TLK1: variants seen among roughly 807,000 people sequenced by gnomAD.
The protein encoded by TLK1 is tousled like kinase 1.
In TLK1, 24 loss-of-function variants were observed where a neutral mutation model predicts 105.3. The observed-to-expected ratio is 0.23, with a 90% CI of 0.17 to 0.32. TLK1 has a LOEUF of 0.32. TLK1 is among the 10% of genes least tolerant of loss of function. The pLI is 1.00. For missense variants in TLK1, 558 were observed against 910.5 expected, an observed-to-expected ratio of 0.61 and a Z score of 4.98; for synonymous variants, 321 against 310.4, an observed-to-expected ratio of 1.03 and a Z score of -0.36.
chr2:171,182,560 G>T (rs564336085), intron 1 of TLK1, among the ~76,000 whole-genome samples: 3 of 152,080 alleles, frequency 2.0e-5, no homozygotes, highest in Admixed American at 1.3e-4. Flanking sequence ...TTTCAGGGTG[G>T]GAGACTAGAG....
chr2:171,033,862 A>T (rs1261319972), intron 11 of TLK1, among the ~76,000 whole-genome samples: 1 of 150,658 alleles, frequency 6.6e-6, no homozygotes, highest in Admixed American at 6.6e-5. Context: ...TGCAAATCAT[A>T]TATGTTAAGG....
At chr2:171,115,074 A>G (rs1019714612) in intron 2 of TLK1, among the ~76,000 whole-genome samples, 1 of 152,166 alleles carries the variant, frequency 6.6e-6, no homozygotes, top group African/African-American at 2.4e-5. Flanking sequence ...AGGATGGTGC[A>G]ATAGTAAAAT....
At chr2:171,104,521 C>T (rs1184832636) in intron 2 of TLK1, among the ~76,000 whole-genome samples, 3 of 152,126 alleles carry the variant, frequency 2.0e-5, no homozygotes. Flanking sequence ...TATCAAAATA[C>T]CAATGACATT....
intron 1 of TLK1, among the ~76,000 whole-genome samples, chr2:171,188,910 T>C (rs1468373633): frequency 2.0e-5 from 3 of 150,688 alleles, no homozygotes; most frequent in Admixed American, 6.6e-5. Flanking sequence ...AAATACCTCA[T>C]AGGAGAATCG....
At chr2:171,105,649 GT>G (rs772196765) in intron 2 of TLK1, among the ~76,000 whole-genome samples, 285 of 152,132 alleles carry the variant, frequency 1.9e-3, no homozygotes, top group Non-Finnish European at 2.4e-3. Flanking sequence ...GACTGCGCCA[GT>G]GCACTCCAGC....
chr2:171,015,344 A>C lies in TLK1; in HGVS notation c.1237-396T>G, dbSNP rs955292395. Among the ~76,000 whole-genome samples the C allele has an allele frequency of 3.6e-4, 54 of 152,100 alleles. 1 individual carries two copies. Among genetic ancestry groups the C allele is most frequent in the African/African-American group, 1.2e-3 (51 of 41,508 alleles). On this transcript the variant is annotated intron_variant, in intron 12 of 20. Coordinates refer to ENST00000431350, the MANE Select transcript of TLK1 (RefSeq NM_012290.5). ...AAAACAAATAAAATGAAAATATTTT[A>C]TAATAGTTAAAAGAGGAAGAAAGAA...
intron 1 of TLK1, among the ~76,000 whole-genome samples, chr2:171,199,092 T>C (rs577904880): frequency 3.1e-4 from 47 of 152,372 alleles, no homozygotes; most frequent in Non-Finnish European, 5.1e-4. Flanking sequence ...TGTAACTAAG[T>C]TGTTTGCAGC....
intron 1 of TLK1, among the ~76,000 whole-genome samples, chr2:171,208,921 G>T (rs1480595469): frequency 1.3e-5 from 2 of 152,194 alleles, no homozygotes; most frequent in Non-Finnish European, 2.9e-5. Context: ...TGTAGGAAAT[G>T]ACATGTATGA....
At chr2:171,006,759 G>A (rs772814168) in intron 16 of TLK1, 41 bp downstream of exon 16, 1 of 1,584,028 alleles carries the variant, frequency 6.3e-7, no homozygotes, top group Admixed American at 1.7e-5. Flanking sequence ...GAGAAAGCAA[G>A]CATATCTTTC....
intron 8 of TLK1, 168 bp downstream of exon 8, chr2:171,053,593 C>T (rs534486147): frequency 1.6e-5 from 8 of 488,068 alleles, no homozygotes; most frequent in South Asian, 1.6e-4. Flanking sequence ...GATCTCTCAA[C>T]CTTGTGATCT....
chr2:170,994,799 C>T, intron 20 of TLK1: 1 of 436,046 alleles, frequency 2.3e-6, no homozygotes, highest in Non-Finnish European at 4.6e-6. Context: ...AAATTATGTT[C>T]TCCTTTGCCA....
chr2:171,060,407 T>C (rs1687697126), intron 4 of TLK1, among the ~76,000 whole-genome samples: 1 of 152,138 alleles, frequency 6.6e-6, no homozygotes, highest in Non-Finnish European at 1.5e-5. Context: ...TTGCTGCAAA[T>C]ACATTCCTTG....
intron 1 of TLK1, among the ~76,000 whole-genome samples, chr2:171,228,807 A>T: frequency 6.6e-6 from 1 of 152,070 alleles, no homozygotes; most frequent in East Asian, 1.9e-4. Flanking sequence ...TGTACTCTGG[A>T]GATATATTTT....
At chr2:171,039,336 G>A (rs1686537661) in intron 11 of TLK1, among the ~76,000 whole-genome samples, 1 of 152,160 alleles carries the variant, frequency 6.6e-6, no homozygotes, top group South Asian at 2.1e-4. Context: ...CACGCACATG[G>A]CTCACTGCAG....
Position 171,056,568 on chromosome 2 carries a change from T to C in TLK1, c.454-2A>G. 1 of 1,609,284 alleles carries C rather than the reference T, an allele frequency of 6.2e-7. No individual in the cohort carries two copies. On this transcript the variant is annotated splice_acceptor_variant, in intron 5 of 20. Transcript: ENST00000431350. LOFTEE classifies it high-confidence loss of function. ...ACTTGAGCCATTTCCACCCTGGTAC[T>C]GAGTAAAAGAAAAAGGAAGCATTAT...
intron 8 of TLK1, among the ~76,000 whole-genome samples, chr2:171,050,730 T>C (rs934143966): frequency 6.6e-6 from 1 of 152,202 alleles, no homozygotes; most frequent in African/African-American, 2.4e-5. Flanking sequence ...TCTGTTCACT[T>C]TGTAGGTGGC....
intron 3 of TLK1, among the ~76,000 whole-genome samples, chr2:171,079,629 T>C (rs1688660286): frequency 6.6e-6 from 1 of 152,190 alleles, no homozygotes; most frequent in Non-Finnish European, 1.5e-5. Context: ...CCATCTTCTT[T>C]TATTTACGAG....
chr2:171,188,964 C>T (rs1693091598), intron 1 of TLK1, among the ~76,000 whole-genome samples: 1 of 151,516 alleles, frequency 6.6e-6, no homozygotes, highest in Non-Finnish European at 1.5e-5. Flanking sequence ...ACAACAGACT[C>T]ATTTACATCC....
chr2:171,036,016 G>A (rs2105405477), intron 11 of TLK1, among the ~76,000 whole-genome samples: 1 of 152,350 alleles, frequency 6.6e-6, no homozygotes, highest in Non-Finnish European at 1.5e-5. Context: ...AGGTTTGTGT[G>A]ATTTGTTACA....
Sources: allele counts gnomAD v4.1 joint callset (sites outside exome capture counted in the v4.1 genomes callset), GRCh38; gene constraint gnomAD v4.1.1; transcripts MANE v1.5; gene names NCBI Gene and HGNC (gene_info 2026-07-23, HGNC 2026-07-21).